Variants in GRM7 observed in about 807,000 individuals in gnomAD.
GRM7 encodes glutamate metabotropic receptor 7.
GRM7 carries 35 observed loss-of-function variants against 84.5 expected under a neutral mutation model. The observed-to-expected ratio is 0.41, with a 90% CI of 0.32 to 0.55. The LOEUF (loss-of-function observed/expected upper bound fraction) is 0.55. Ranked by LOEUF, GRM7 falls within the 20% of genes least tolerant of loss-of-function variation. GRM7 has a pLI of 0.19. For synonymous variants in GRM7, 487 were observed against 455.1 expected, an observed-to-expected ratio of 1.07 and a Z score of -0.89; for missense variants, 1,003 against 1,194.6, an observed-to-expected ratio of 0.84 and a Z score of 2.36.
chr3:7,522,438 C>T (rs1204340624), intron 7 of GRM7, among the ~76,000 whole-genome samples: 1 of 152,078 alleles, frequency 6.6e-6, no homozygotes, highest in Non-Finnish European at 1.5e-5. Flanking sequence ...GCTTACGTTT[C>T]CATTAACACA....
At chr3:7,006,222 C>T (rs937697301) in intron 1 of GRM7, among the ~76,000 whole-genome samples, 1 of 152,138 alleles carries the variant, frequency 6.6e-6, no homozygotes, top group Non-Finnish European at 1.5e-5. Flanking sequence ...ATAGCCTTAT[C>T]ATTTTTAGAT....
intron 1 of GRM7, among the ~76,000 whole-genome samples, chr3:7,092,015 T>TTA (rs1698682500): frequency 6.6e-6 from 1 of 151,944 alleles, no homozygotes; most frequent in Admixed American, 6.6e-5. Context: ...TATTTATTTA[T>TTA]TTTAATATTT....
At chr3:7,500,786 G>C (rs990170529) in intron 7 of GRM7, among the ~76,000 whole-genome samples, 26 of 152,174 alleles carry the variant, frequency 1.7e-4, no homozygotes, top group Non-Finnish European at 4.4e-5. Flanking sequence ...GGCATAGTTT[G>C]GCTGAAGTCT....
At chr3:7,516,088 C>A (rs142603705) in intron 7 of GRM7, among the ~76,000 whole-genome samples, 1 of 144,158 alleles carries the variant, frequency 6.9e-6, no homozygotes, top group Middle Eastern at 3.6e-3. Flanking sequence ...GATCTTGAGG[C>A]TGGAAGGTAG....
At chr3:6,958,786 A>G (rs1693174534) in intron 1 of GRM7, among the ~76,000 whole-genome samples, 1 of 152,190 alleles carries the variant, frequency 6.6e-6, no homozygotes, top group African/African-American at 2.4e-5. Flanking sequence ...TCAAAAATCT[A>G]TTTGATACCT....
chr3:7,362,767 G>A (rs925212113), intron 4 of GRM7, among the ~76,000 whole-genome samples: 1 of 152,110 alleles, frequency 6.6e-6, no homozygotes, highest in African/African-American at 2.4e-5. Flanking sequence ...TCAGATATCA[G>A]TCCTACTGCC....
At chr3:6,914,194 TAATC>T (rs1696866436) in intron 1 of GRM7, among the ~76,000 whole-genome samples, 1 of 152,180 alleles carries the variant, frequency 6.6e-6, no homozygotes, top group Admixed American at 6.6e-5. Flanking sequence ...ACATGTCAAT[TAATC>T]AATAAACCAT....
At chr3:7,277,383 A>C (rs1245217848) in intron 2 of GRM7, among the ~76,000 whole-genome samples, 1 of 152,044 alleles carries the variant, frequency 6.6e-6, no homozygotes, top group African/African-American at 2.4e-5. Context: ...CTGTCACTTA[A>C]TGGTCAAATT....
chr3:7,348,127 CA>C, intron 4 of GRM7, among the ~76,000 whole-genome samples: 1 of 152,266 alleles, frequency 6.6e-6, no homozygotes, highest in Non-Finnish European at 1.5e-5. Flanking sequence ...CAAACATAAG[CA>C]GTGACTTTTA....
chr3:7,273,328 C>A (rs895000207), intron 2 of GRM7, among the ~76,000 whole-genome samples: 1 of 152,056 alleles, frequency 6.6e-6, no homozygotes, highest in African/African-American at 2.4e-5. Context: ...GTACATTTTG[C>A]TACTAACGAA....
intron 1 of GRM7, among the ~76,000 whole-genome samples, chr3:7,077,390 G>T (rs1339123494): frequency 6.6e-6 from 1 of 152,096 alleles, no homozygotes; most frequent in Non-Finnish European, 1.5e-5. Flanking sequence ...ATACTATGCA[G>T]CCATAAAAAA....
chr3:7,116,469 T>C (rs1254402546), intron 1 of GRM7, among the ~76,000 whole-genome samples: 1 of 152,168 alleles, frequency 6.6e-6, no homozygotes, highest in Non-Finnish European at 1.5e-5. Context: ...TTCATCCAAG[T>C]GTTTTGCCTC....
intron 1 of GRM7, among the ~76,000 whole-genome samples, chr3:6,983,802 TG>T (rs1672145185): frequency 6.9e-6 from 1 of 145,346 alleles, no homozygotes; most frequent in African/African-American, 2.5e-5. Flanking sequence ...CCTTTTGTTT[TG>T]TTTTTTTTTT....
chr3:6,878,930 T>G (rs1695412154), intron 1 of GRM7, among the ~76,000 whole-genome samples: 1 of 152,180 alleles, frequency 6.6e-6, no homozygotes, highest in South Asian at 2.1e-4. Context: ...ACTGGTCCAA[T>G]GACCACACTT....
intron 1 of GRM7, among the ~76,000 whole-genome samples, chr3:6,998,944 A>G (rs1289315549): frequency 6.6e-6 from 1 of 152,172 alleles, no homozygotes; most frequent in Non-Finnish European, 1.5e-5. Context: ...CATGCCCTAG[A>G]GACATTCTCC....
At chr3:7,307,949 C>CAT in intron 4 of GRM7, among the ~76,000 whole-genome samples, 1 of 112,974 alleles carries the variant, frequency 8.9e-6, no homozygotes, top group Non-Finnish European at 2.3e-5. Flanking sequence ...GTATGGAGGG[C>CAT]ACAGAGAGTT....
intron 6 of GRM7, 51 bp from the exon 7 acceptor site, chr3:7,461,532 T>G (rs572072064): frequency 6.8e-7 from 1 of 1,472,514 alleles, no homozygotes; most frequent in African/African-American, 1.4e-5. Flanking sequence ...ACAAGAGATA[T>G]AAGGAATCTT....
At chr3:7,469,249 A>G (rs183788372) in intron 7 of GRM7, among the ~76,000 whole-genome samples, 75 of 152,334 alleles carry the variant, frequency 4.9e-4, no homozygotes, top group Admixed American at 3.6e-3. Context: ...TGATTCAGGG[A>G]TTCATTTGAG....
At position 7,420,910 on chromosome 3, in the gene GRM7, A is replaced by T. The variant is rs573667583; in HGVS notation, c.1174+5747A>T. ...ATACCAATTAATATAGGATTCTTCA[A>T]GTTAAAATGGTCTGAATGTCACATC... On this transcript the variant is annotated intron_variant, in intron 5 of 9. Coordinates refer to ENST00000357716, the MANE Select transcript of GRM7 (RefSeq NM_000844.4). Among the ~76,000 whole-genome samples the T allele has an allele frequency of 1.0e-3, 158 of 152,206 alleles. 5 individuals are homozygous for T. The highest frequency in any genetic ancestry group is 1.1e-3 in the Non-Finnish European group (72 of 68,034).
Sources: allele counts gnomAD v4.1 joint callset (sites outside exome capture counted in the v4.1 genomes callset), GRCh38; gene constraint gnomAD v4.1.1; transcripts MANE v1.5; gene names NCBI Gene and HGNC (gene_info 2026-07-23, HGNC 2026-07-21).